The following SAMD5 variants were observed in gnomAD, a reference collection of about 807,000 sequenced individuals.
SAMD5 encodes the protein sterile alpha motif domain-containing protein 5.
SAMD5 carries 13 observed loss-of-function variants against 11.3 expected under a neutral mutation model. The observed-to-expected ratio is 1.15, with a 90% CI of 0.75 to 1.83. The LOEUF is 1.83. Ranked by LOEUF, SAMD5 falls within the 40% of genes most tolerant of loss-of-function variation. SAMD5 has a pLI of 0.00. For synonymous variants in SAMD5, 129 were observed against 111.3 expected (o/e 1.16, Z -1.00); for missense variants, 255 against 239.1 (o/e 1.07, Z -0.44).
chr6:147,775,126 C>T, the SAMD5 span, among the ~76,000 whole-genome samples: 3 of 152,090 alleles, frequency 2.0e-5, no homozygotes, highest in South Asian at 4.1e-4. Flanking sequence ...TCAGTCAGTG[C>T]TTCTCAGTCC....
intron 1 of SAMD5, among the ~76,000 whole-genome samples, chr6:147,667,633 G>T (rs1380014301): frequency 6.6e-6 from 1 of 152,114 alleles, no homozygotes; most frequent in Non-Finnish European, 1.5e-5. Context: ...ATAATAAAAG[G>T]GTTGCTTTCA....
At chr6:147,809,491 C>A in the SAMD5 span, among the ~76,000 whole-genome samples, 1 of 151,798 alleles carries the variant, frequency 6.6e-6, no homozygotes, top group Non-Finnish European at 1.5e-5. Flanking sequence ...AAAAAAAAAA[C>A]TCAGGGAAAA....
the SAMD5 span, among the ~76,000 whole-genome samples, chr6:147,849,331 A>G: frequency 2.0e-5 from 3 of 152,150 alleles, no homozygotes; most frequent in Non-Finnish European, 1.5e-5. Flanking sequence ...GCAAAGTGCT[A>G]TCTAATTTTG....
intron 1 of SAMD5, among the ~76,000 whole-genome samples, chr6:147,642,537 C>A (rs1307972024): frequency 6.6e-6 from 1 of 152,150 alleles, no homozygotes; most frequent in Non-Finnish European, 1.5e-5. Context: ...GAGATGTGAC[C>A]TTTACATTCA....
At chr6:147,712,822 A>T (rs73787382) in intron 1 of SAMD5, among the ~76,000 whole-genome samples, 1 of 151,412 alleles carries the variant, frequency 6.6e-6, no homozygotes, top group Non-Finnish European at 1.5e-5. Flanking sequence ...AAAAAAAAAA[A>T]GTCTGTTGTT....
At chr6:147,937,286 A>G in the SAMD5 span, among the ~76,000 whole-genome samples, 1 of 152,170 alleles carries the variant, frequency 6.6e-6, no homozygotes, top group Non-Finnish European at 1.5e-5. Context: ...GTTGACTAAG[A>G]GATATAGTCC....
intron 1 of SAMD5, among the ~76,000 whole-genome samples, chr6:147,562,411 C>G (rs1788965583): frequency 6.6e-6 from 1 of 152,180 alleles, no homozygotes; most frequent in Non-Finnish European, 1.5e-5. Flanking sequence ...AACACTATAA[C>G]CTAAGGATTT....
chr6:147,720,434 G>A (rs1016197287), intron 1 of SAMD5, among the ~76,000 whole-genome samples: 4 of 150,340 alleles, frequency 2.7e-5, no homozygotes, highest in Admixed American at 6.6e-5. Flanking sequence ...CTGCACTCCA[G>A]CCTGGGCGAC....
At chr6:147,723,986 A>G (rs1300873231) in intron 1 of SAMD5, among the ~76,000 whole-genome samples, 2 of 152,234 alleles carry the variant, frequency 1.3e-5, no homozygotes, top group Non-Finnish European at 2.9e-5. Flanking sequence ...AGGCTGGGAT[A>G]TAGGAGATAC....
At chr6:147,602,564 CA>C (rs1182567578) in intron 1 of SAMD5, among the ~76,000 whole-genome samples, 1 of 152,028 alleles carries the variant, frequency 6.6e-6, no homozygotes, top group African/African-American at 2.4e-5. Context: ...GCCAACATGG[CA>C]AAACCCCGTT....
chr6:147,729,319 C>T (rs115123342), intron 1 of SAMD5, among the ~76,000 whole-genome samples: 3,080 of 152,254 alleles, frequency 0.02, 51 homozygotes, highest in East Asian at 0.071. Context: ...CAATTCAGCC[C>T]GTAACAAAAG....
chr6:147,697,939 C>G (rs1470796966), intron 1 of SAMD5, among the ~76,000 whole-genome samples: 1 of 152,176 alleles, frequency 6.6e-6, no homozygotes, highest in Non-Finnish European at 1.5e-5. Context: ...GGACCAGTTT[C>G]ATGGAAGACA....
At chr6:147,944,669 T>A in the SAMD5 span, among the ~76,000 whole-genome samples, 7 of 152,252 alleles carry the variant, frequency 4.6e-5, no homozygotes, top group Non-Finnish European at 1.0e-4. Flanking sequence ...CCTTCTTTCC[T>A]GTCCACAAAT....
chr6:147,566,826 G>A lies in SAMD5; in HGVS notation c.*2370G>A. ...TTCCTTTGCATTAAAATCAAGATGAGGTAAGAGGTAGAATATAAGAGAAAG... is the reference window on the plus strand; with the variant it reads ...TTCCTTTGCATTAAAATCAAGATGAAGTAAGAGGTAGAATATAAGAGAAAG... On this transcript the variant is annotated 3_prime_UTR_variant, in exon 2 of 2. Coordinates refer to ENST00000367474, the MANE Select transcript of SAMD5 (RefSeq NM_001030060.3). 1.0e-6 allele frequency: 1 copy of A among 979,480 alleles called. No homozygotes were observed. 60.7% of individuals were successfully genotyped at this position (979,480 alleles called of 1,614,324 possible).
intron 1 of SAMD5, among the ~76,000 whole-genome samples, chr6:147,654,314 C>A (rs1243387812): frequency 6.6e-6 from 1 of 152,166 alleles, no homozygotes; most frequent in Non-Finnish European, 1.5e-5. Flanking sequence ...CTCTTTCACA[C>A]ATAAATACAC....
the SAMD5 span, among the ~76,000 whole-genome samples, chr6:147,903,123 A>G: frequency 6.6e-6 from 1 of 152,216 alleles, no homozygotes. Context: ...AAATCCTCAC[A>G]CATACAATTA....
At chr6:147,611,798 C>T (rs1000584298) in intron 1 of SAMD5, among the ~76,000 whole-genome samples, 1 of 152,206 alleles carries the variant, frequency 6.6e-6, no homozygotes, top group East Asian at 1.9e-4. Context: ...GGATCTGTGG[C>T]CAGAATCTCA....
the SAMD5 span, among the ~76,000 whole-genome samples, chr6:147,783,588 G>C: frequency 6.6e-6 from 1 of 151,964 alleles, no homozygotes; most frequent in Non-Finnish European, 1.5e-5. Context: ...TAGTAGAGAC[G>C]GGGTTTCACT....
chr6:147,583,818 A>AACACACACACACACACACACACACACAC lies in SAMD5; in HGVS notation c.162+74456_162+74457insCACACACACACACACACACACACACACA, dbSNP rs3032052. Among the ~76,000 whole-genome samples, 4 of 149,496 alleles carry AACACACACACACACACACACACACACAC rather than the reference A, an allele frequency of 2.7e-5. No homozygotes were observed. The South Asian group carries it at 6.4e-4, about 24-fold the overall frequency. On this transcript the variant is annotated intron_variant, in intron 1 of 1. Coordinates refer to the SAMD5 transcript ENST00000566741. The stretch of plus-strand genomic sequence containing the variant: ...AAAAGGGAAAAAAGTGGAATTTTCA[A>AACACACACACACACACACACACACACAC]ACACACACACACACACACACACACA...
Sources: gnomAD v4.1 joint callset for allele counts (sites outside exome capture counted in the v4.1 genomes callset) on GRCh38, gnomAD v4.1.1 for gene constraint, MANE v1.5 for transcripts, NCBI Gene and HGNC (gene_info 2026-07-23, HGNC 2026-07-21) for gene names.